KIF2C: variants seen among roughly 807,000 people sequenced by gnomAD.
The protein encoded by KIF2C is kinesin family member 2C, also known as kinesin-like protein KIF2C.
A neutral mutation model predicts 97.4 loss-of-function variants in KIF2C; 34 were observed. The observed-to-expected ratio is 0.35, with a 90% CI of 0.27 to 0.46. KIF2C has a LOEUF of 0.46. Ranked by LOEUF, KIF2C falls within the 20% of genes least tolerant of loss-of-function variation. The pLI is 1.00. For synonymous variants in KIF2C, 313 were observed against 318.2 expected (o/e 0.98, Z 0.17); for missense variants, 750 against 907.6 (o/e 0.83, Z 2.23).
rs147310222 is a variant in KIF2C, at chr1:44,752,516, ATTAT to A, written c.440-613_440-610del. Among the ~76,000 whole-genome samples, 402 of 152,284 alleles carry A rather than the reference ATTAT, an allele frequency of 2.6e-3. 2 individuals are homozygous for A. Among genetic ancestry groups the A allele is most frequent in the African/African-American group, 8.8e-3 (365 of 41,532 alleles). ...ATATAAATAAAAATTTGTAATGTGA[ATTAT>A]TTGTCAGTCTTTAATAGATTATATA... On this transcript the variant is annotated intron_variant, in intron 5 of 20. Transcript: ENST00000372224.
chr1:44,746,448 T>C (rs1296275388), intron 2 of KIF2C: 5 of 1,173,156 alleles, frequency 4.3e-6, no homozygotes, highest in East Asian at 4.0e-5. Context: ...GAAGAAAATG[T>C]AGGTAGTCTT....
intron 2 of KIF2C, 61 bp from the exon 3 acceptor site, chr1:44,747,317 AAAAAAG>A: frequency 7.1e-7 from 1 of 1,402,526 alleles, no homozygotes. Flanking sequence ...CAAAAAAAAA[AAAAAAG>A]AAAAAATGTA....
Position 44,753,759 on chromosome 1 carries a change from G to C in KIF2C, c.589G>C (p.Glu197Gln), listed in dbSNP as rs1209473670. 3 of 1,610,050 alleles carry C rather than the reference G, an allele frequency of 1.9e-6. No individual in the cohort carries two copies. The highest frequency in any genetic ancestry group is 2.5e-6 in the Non-Finnish European group (3 of 1,178,280). ...SVRRKSCLVK[E>Q]VEKMKNKREE... The stretch of plus-strand genomic sequence containing the variant: ...TCGGAGGAAATCATGTCTTGTGAAG[G>C]AAGTGGAAAAAATGAAGAACAAGCG... The change falls in exon 7 of 21, where the codon GAA becomes CAA. Residue 197 changes from glutamate (E) to glutamine (Q), a missense_variant. Physicochemically the swap from Glu to Gln is conservative, Grantham distance 29. Transcript: ENST00000372224.
chr1:44,759,357 C>T lies in KIF2C; in HGVS notation c.1367+9C>T, dbSNP rs907650800. On this transcript the variant is annotated intron_variant, in intron 14 of 20. Coordinates refer to ENST00000372224, the MANE Select transcript of KIF2C (RefSeq NM_006845.4). ...ATGGGCAGCGCCTGCAGGTGAGAGT[C>T]CTGGTGAGGGGAAGGAGCGACCTTC... 1.2e-6 allele frequency: 2 copies of T among 1,613,780 alleles called. No individual in the cohort carries two copies. The highest frequency in any genetic ancestry group is 2.7e-5 in the African/African-American group (2 of 74,924).
At chr1:44,746,310 T>G (rs1649193726) in intron 2 of KIF2C, 1 of 957,740 alleles carries the variant, frequency 1.0e-6, no homozygotes, top group East Asian at 1.1e-4. Context: ...TGGTGAAGTT[T>G]GAGTTGTTCC....
intron 20 of KIF2C, 55 bp from the exon 21 acceptor site, chr1:44,767,042 T>C: frequency 6.2e-7 from 1 of 1,608,640 alleles, no homozygotes; most frequent in African/African-American, 1.3e-5. Context: ...CCTGAGTGAA[T>C]GGGGGCTCCT....
rs780353726 is a variant in KIF2C at position 44,755,889 on chromosome 1, G to T, written c.760-40G>T. On this transcript the variant is annotated intron_variant, in intron 8 of 20. Transcript: ENST00000372224. ...ACAAGCTCGCTTTTGAAATTGCTCT[G>T]ACCCTTTGCTGTTGGTTGCCTCCTC... 4 of 1,604,792 alleles carry T rather than the reference G, an allele frequency of 2.5e-6. No homozygotes were observed. The East Asian group carries it at 8.9e-5, about 36-fold the overall frequency.
At chr1:44,758,641 G>A (rs902377154) in intron 13 of KIF2C, among the ~76,000 whole-genome samples, 8 of 152,106 alleles carry the variant, frequency 5.3e-5, no homozygotes, top group Non-Finnish European at 8.8e-5. Context: ...TTGGGAGGCC[G>A]AGGCGGGCAG....
rs1001276080 is a variant in KIF2C, at chr1:44,767,393, G to A, written c.*214G>A. On this transcript the variant is annotated 3_prime_UTR_variant, in exon 21 of 21. Transcript: ENST00000372224. ...TCTGTTCCTCAGTTGTCGCCCTCACGAGAGGAAGGAGCTCTTAGTTACCCT... is the reference window on the plus strand; with the variant it reads ...TCTGTTCCTCAGTTGTCGCCCTCACAAGAGGAAGGAGCTCTTAGTTACCCT... 75 of 491,606 alleles carry A rather than the reference G, an allele frequency of 1.5e-4. No individual in the cohort carries two copies. Among genetic ancestry groups the A allele is most frequent in the Middle Eastern group, 5.6e-4 (1 of 1,796 alleles). The allele number at this position is 491,606 out of a possible 1,614,324, so 30.5% of individuals were successfully genotyped here. A position where few individuals can be genotyped will look rare whatever the true frequency, so the allele number is the denominator to read the frequency against.
At chr1:44,762,160 C>T (rs1650188099) in intron 17 of KIF2C, 177 bp downstream of exon 17, 1 of 837,940 alleles carries the variant, frequency 1.2e-6, no homozygotes, top group Non-Finnish European at 2.1e-6. Context: ...TCTCCGGGCC[C>T]TGCTGGAGAG....
At chr1:44,746,574 A>G in intron 2 of KIF2C, 1 of 1,382,772 alleles carries the variant, frequency 7.2e-7, no homozygotes, top group Non-Finnish European at 9.3e-7. Context: ...AGCCATCAAG[A>G]GGTGCTTGGG....
chr1:44,748,937 C>A (rs1209145936), intron 4 of KIF2C, among the ~76,000 whole-genome samples: 1 of 152,026 alleles, frequency 6.6e-6, no homozygotes, highest in Non-Finnish European at 1.5e-5. Context: ...GCCTCAGCCT[C>A]CCAAAGTGCT....
At chr1:44,757,509 G>T in intron 10 of KIF2C, 47 bp from the exon 11 acceptor site, 1 of 1,240,134 alleles carries the variant, frequency 8.1e-7, no homozygotes, top group South Asian at 1.2e-5. Context: ...ACATGTTCCA[G>T]GGAGCACAGT....
chr1:44,766,097 G>A (rs1650450293), intron 19 of KIF2C, among the ~76,000 whole-genome samples: 1 of 152,022 alleles, frequency 6.6e-6, no homozygotes, highest in African/African-American at 2.4e-5. Context: ...ATGGTGGTGT[G>A]TGCCTGTAGT....
chr1:44,767,261 T>C lies in KIF2C; in HGVS notation c.*82T>C. 1 of 1,258,614 alleles carries C rather than the reference T, an allele frequency of 7.9e-7. No homozygotes were observed. Among genetic ancestry groups the C allele is most frequent in the Non-Finnish European group, 1.2e-6 (1 of 868,236 alleles). 78.0% of individuals were successfully genotyped at this position (1,258,614 alleles called of 1,614,324 possible). On this transcript the variant is annotated 3_prime_UTR_variant, in exon 21 of 21. Coordinates refer to ENST00000372224, the MANE Select transcript of KIF2C (RefSeq NM_006845.4). ...CAGAGAACTTTGGGTACCTGGTGGG[T>C]CTAGGCAGGGTCTGAGCTGGGACAG...
Position 44,753,740 on chromosome 1 carries a change from G to A in KIF2C, c.570G>A (p.Arg190=), listed in dbSNP as rs370387061. ...TTTTTTATGTTTTCATAGTTCGGAG[G>A]AAATCATGTCTTGTGAAGGAAGTGG... is the stretch of plus-strand genomic sequence containing the variant. ...SSANPVNSVR[R]KSCLVKEVEK... is the part of the protein sequence containing the mutation. The change falls in exon 7 of 21, where the codon AGG becomes AGA. Residue 190 remains arginine, a synonymous_variant. Transcript: ENST00000372224. 5 of 1,599,284 alleles carry A rather than the reference G, an allele frequency of 3.1e-6. No individual in the cohort carries two copies. The highest frequency in any genetic ancestry group is 4.3e-6 in the Non-Finnish European group (5 of 1,172,920).
chr1:44,767,421 T>C lies in KIF2C; in HGVS notation c.*242T>C, dbSNP rs1304574876. On this transcript the variant is annotated 3_prime_UTR_variant, in exon 21 of 21. Coordinates refer to ENST00000372224, the MANE Select transcript of KIF2C (RefSeq NM_006845.4). ...AGGAAGGAGCTCTTAGTTACCCTTTTGTGTTGCCCTTCTTTCCATCAAGGG... is the reference window on the plus strand; with the variant it reads ...AGGAAGGAGCTCTTAGTTACCCTTTCGTGTTGCCCTTCTTTCCATCAAGGG... 1.6e-5 allele frequency: 7 copies of C among 429,858 alleles called. No homozygotes were observed. Among genetic ancestry groups the C allele is most frequent in the Non-Finnish European group, 3.0e-5 (7 of 229,790 alleles). The allele number at this position is 429,858 out of a possible 1,614,324, so 26.6% of individuals were successfully genotyped here.
At chr1:44,761,799 T>A in intron 16 of KIF2C, 117 bp from the exon 17 acceptor site, 1 of 922,790 alleles carries the variant, frequency 1.1e-6, no homozygotes. Flanking sequence ...CTCCCACCAA[T>A]ACCATGTGGG....
chr1:44,767,260 G>A lies in KIF2C; in HGVS notation c.*81G>A. ...CCAGAGAACTTTGGGTACCTGGTGGGTCTAGGCAGGGTCTGAGCTGGGACA... is the reference window on the plus strand; with the variant it reads ...CCAGAGAACTTTGGGTACCTGGTGGATCTAGGCAGGGTCTGAGCTGGGACA... On this transcript the variant is annotated 3_prime_UTR_variant, in exon 21 of 21. Transcript: ENST00000372224. 7.9e-7 allele frequency: 1 copy of A among 1,258,452 alleles called. No homozygotes were observed. The highest frequency in any genetic ancestry group is 1.2e-6 in the Non-Finnish European group (1 of 868,204). 78.0% of individuals were successfully genotyped at this position (1,258,452 alleles called of 1,614,324 possible).
Sources: gnomAD v4.1 joint callset for allele counts (sites outside exome capture counted in the v4.1 genomes callset) on GRCh38, gnomAD v4.1.1 for gene constraint, MANE v1.5 for transcripts, NCBI Gene and HGNC (gene_info 2026-07-23, HGNC 2026-07-21) for gene names.